Variants in DMRT1 observed in about 807,000 individuals in gnomAD.
DMRT1 encodes the protein doublesex and mab-3 related transcription factor 1.
Under a neutral mutation model 32.3 loss-of-function variants are expected in DMRT1, and 7 were observed. The observed-to-expected ratio is 0.22, with a 90% confidence interval of 0.12 to 0.41. The LOEUF (loss-of-function observed/expected upper bound fraction) is 0.41, where lower values mean the gene tolerates loss of function less well. Ranked by LOEUF, DMRT1 falls within the 10% of genes least tolerant of loss-of-function variation. DMRT1 has a pLI of 1.00. For missense variants in DMRT1, 625 were observed against 500.5 expected (o/e 1.25, Z -2.37); for synonymous variants, 278 against 206.1 (o/e 1.35, Z -2.99).
At position 842,132 on chromosome 9, in the gene DMRT1, C is replaced by G; in HGVS notation, c.294C>G (p.Arg98=). ...LKGHKRFCMW[R]DCQCKKCNLI... is the part of the protein sequence containing the mutation. ...GCCACAAGCGCTTCTGCATGTGGCGCGACTGCCAGTGCAAGAAGTGCAACC... is the reference window on the plus strand; with the variant it reads ...GCCACAAGCGCTTCTGCATGTGGCGGGACTGCCAGTGCAAGAAGTGCAACC... Residue 98 remains arginine (R), a synonymous_variant, in exon 1 of 5, where the codon CGC becomes CGG. Transcript: ENST00000382276. 2 of 1,547,836 alleles carry G rather than the reference C, an allele frequency of 1.3e-6. No individual in the cohort carries two copies. Among genetic ancestry groups the G allele is most frequent in the Non-Finnish European group, 1.7e-6 (2 of 1,151,096 alleles).
chr9:901,547 G>A (rs1165011511), intron 3 of DMRT1, among the ~76,000 whole-genome samples: 3 of 150,860 alleles, frequency 2.0e-5, no homozygotes, highest in Non-Finnish European at 4.4e-5. Context: ...GGCTGGTCTT[G>A]AGCTCCTGAC....
chr9:857,064 CAGCACT>C (rs1815428458), intron 2 of DMRT1, among the ~76,000 whole-genome samples: 1 of 152,116 alleles, frequency 6.6e-6, no homozygotes, highest in Non-Finnish European at 1.5e-5. Context: ...CCTGTAATCC[CAGCACT>C]TTGGGAGGCC....
Position 968,209 on chromosome 9 carries a change from A to G in DMRT1, c.*70A>G, listed in dbSNP as rs1413758731. 7.0e-6 allele frequency: 11 copies of G among 1,573,354 alleles called. No individual in the cohort carries two copies. In the East Asian group the frequency reaches 2.0e-4, roughly 29 times the overall value. Reference sequence around the variant, plus strand: ...ATTCCACTTTCCATGGGGTTTGTTAATATTTTGCATTGACTCATACTATCT... The same window carrying G: ...ATTCCACTTTCCATGGGGTTTGTTAGTATTTTGCATTGACTCATACTATCT... On this transcript the variant is annotated 3_prime_UTR_variant, in exon 5 of 5. Transcript: ENST00000382276.
intron 3 of DMRT1, among the ~76,000 whole-genome samples, chr9:906,299 A>G (rs1264306789): frequency 6.6e-6 from 1 of 152,154 alleles, no homozygotes; most frequent in Non-Finnish European, 1.5e-5. Flanking sequence ...GTGGCCCCAG[A>G]CAGCCTCACG....
rs1820001986 is a variant in DMRT1, at chr9:968,295, A to G, written c.*156A>G. 2 of 853,558 alleles carry G rather than the reference A, an allele frequency of 2.3e-6. No homozygotes were observed. Among genetic ancestry groups the G allele is most frequent in the South Asian group, 3.2e-5 (2 of 61,888 alleles). 52.9% of individuals were successfully genotyped at this position (853,558 alleles called of 1,614,324 possible). ...GAGTTTAGTCCAGAGGCTGTAACAC[A>G]TTTGTAATACTTTAGGGTCCGTGAC... On this transcript the variant is annotated 3_prime_UTR_variant, in exon 5 of 5. Coordinates refer to ENST00000382276, the MANE Select transcript of DMRT1 (RefSeq NM_021951.3).
chr9:926,687 TAGAGAGAGAGAGAGAG>T (rs57146042), intron 4 of DMRT1, among the ~76,000 whole-genome samples: 2 of 27,588 alleles, frequency 7.2e-5, no homozygotes, highest in Admixed American at 7.9e-4. Flanking sequence ...AAGACACAGG[TAGAGAGAGAGAGAGAG>T]AGAGAGAGAG....
intron 3 of DMRT1, among the ~76,000 whole-genome samples, chr9:895,865 C>T (rs1265223526): frequency 2.1e-5 from 3 of 142,760 alleles, no homozygotes; most frequent in Non-Finnish European, 3.0e-5. Flanking sequence ...AGTACAGTGG[C>T]GCGATCTCGG....
At chr9:904,031 C>T (rs1191918775) in intron 3 of DMRT1, among the ~76,000 whole-genome samples, 1 of 152,192 alleles carries the variant, frequency 6.6e-6, no homozygotes, top group Non-Finnish European at 1.5e-5. Flanking sequence ...TGATGTACTC[C>T]AGGGACTACT....
intron 3 of DMRT1, among the ~76,000 whole-genome samples, chr9:908,117 A>G (rs1194806286): frequency 2.0e-5 from 3 of 152,202 alleles, no homozygotes; most frequent in Non-Finnish European, 2.9e-5. Context: ...ATACAAGTGT[A>G]ATCCTGATAT....
intron 2 of DMRT1, among the ~76,000 whole-genome samples, chr9:858,206 G>T (rs1042126131): frequency 1.3e-5 from 2 of 152,176 alleles, no homozygotes; most frequent in Admixed American, 6.5e-5. Flanking sequence ...CCTTCATGTG[G>T]CCAGTGGGAA....
intron 4 of DMRT1, among the ~76,000 whole-genome samples, chr9:938,627 T>C (rs1818963511): frequency 6.6e-6 from 1 of 152,222 alleles, no homozygotes; most frequent in Non-Finnish European, 1.5e-5. Context: ...CTGAATTTAT[T>C]AGCTCTATCA....
intron 4 of DMRT1, among the ~76,000 whole-genome samples, chr9:934,154 T>G (rs893172552): frequency 1.3e-5 from 2 of 152,186 alleles, no homozygotes; most frequent in Non-Finnish European, 2.9e-5. Flanking sequence ...CTTGGAGACT[T>G]GGCAAGGATG....
chr9:849,700 A>G (rs1839056629), intron 2 of DMRT1, among the ~76,000 whole-genome samples: 1 of 152,182 alleles, frequency 6.6e-6, no homozygotes, highest in Admixed American at 6.5e-5. Context: ...TACAGCCTTG[A>G]ACTAGCACTC....
chr9:966,391 A>C (rs1320448323), intron 4 of DMRT1, among the ~76,000 whole-genome samples: 1 of 152,264 alleles, frequency 6.6e-6, no homozygotes. Flanking sequence ...TTACAAACTT[A>C]TCCTTTGCTT....
At chr9:868,490 A>G (rs1816088224) in intron 2 of DMRT1, among the ~76,000 whole-genome samples, 1 of 152,190 alleles carries the variant, frequency 6.6e-6, no homozygotes, top group Admixed American at 6.5e-5. Context: ...TCATTGCAAG[A>G]AGTTACCAAA....
intron 2 of DMRT1, among the ~76,000 whole-genome samples, chr9:871,786 G>A (rs927054233): frequency 2.0e-5 from 3 of 151,066 alleles, no homozygotes; most frequent in Non-Finnish European, 2.9e-5. Flanking sequence ...CCTAGTCTTT[G>A]AACTCTTAAA....
At chr9:862,503 C>T (rs1487621671) in intron 2 of DMRT1, among the ~76,000 whole-genome samples, 1 of 132,398 alleles carries the variant, frequency 7.6e-6, no homozygotes, top group East Asian at 2.4e-4. Flanking sequence ...GAGACGAGGA[C>T]CGTGCAATGG....
rs1288266049 is a variant in DMRT1 at position 887,907 on chromosome 9, G to T, written c.539-6005G>T. ...TTTTGTGCCTTTGACAACATTTAAA[G>T]AAAGCTTTGAACATAGTTGTTATAT... On this transcript the variant is annotated intron_variant, in intron 2 of 4. Transcript: ENST00000382276. Among the ~76,000 whole-genome samples, 7 of 152,286 alleles carry T rather than the reference G, an allele frequency of 4.6e-5. No homozygotes were observed. The South Asian group carries it at 1.0e-3, about 23-fold the overall frequency.
At chr9:891,323 C>T (rs916524378) in intron 2 of DMRT1, among the ~76,000 whole-genome samples, 6 of 151,918 alleles carry the variant, frequency 3.9e-5, no homozygotes, top group Non-Finnish European at 5.9e-5. Flanking sequence ...TGGTGGCTTG[C>T]GCCTGTATTC....
Sources: allele counts gnomAD v4.1 joint callset (sites outside exome capture counted in the v4.1 genomes callset), GRCh38; gene constraint gnomAD v4.1.1; transcripts MANE v1.5; gene names NCBI Gene and HGNC (gene_info 2026-07-23, HGNC 2026-07-21).